DPP10: variants seen among roughly 807,000 people sequenced by gnomAD.
DPP10 encodes inactive dipeptidyl peptidase 10.
A neutral mutation model predicts 120.9 loss-of-function variants in DPP10; 33 were observed. The ratio of observed to expected loss-of-function variants is 0.27; its 90% CI spans 0.21 to 0.37. The LOEUF is 0.37. Among genes scored for constraint, DPP10 ranks in the 10% least tolerant of loss-of-function variants. The probability of loss-of-function intolerance (pLI) is 1.00; values close to 1 mark genes in which losing one functional copy is unlikely to be tolerated. For synonymous variants in DPP10, 337 were observed against 326.1 expected (o/e 1.03, Z -0.36); for missense variants, 816 against 942.8 (o/e 0.87, Z 1.76).
intron 12 of DPP10, among the ~76,000 whole-genome samples, chr2:115,762,976 C>A (rs1456285912): frequency 6.6e-6 from 1 of 152,076 alleles, no homozygotes; most frequent in Non-Finnish European, 1.5e-5. Context: ...ATAAATTGAT[C>A]ATGGAGATAT....
chr2:114,895,049 A>G (rs1014966202), intron 1 of DPP10, among the ~76,000 whole-genome samples: 5 of 152,184 alleles, frequency 3.3e-5, no homozygotes, highest in Non-Finnish European at 7.4e-5. Context: ...AGAGATATGA[A>G]TAGTTCCTAC....
intron 5 of DPP10, among the ~76,000 whole-genome samples, chr2:115,686,973 G>A (rs2091023109): frequency 1.3e-5 from 2 of 151,894 alleles, no homozygotes; most frequent in South Asian, 4.1e-4. Context: ...AAGTAACTTT[G>A]ATTTTACCCT....
chr2:115,119,683 C>G (rs2049720050), intron 1 of DPP10, among the ~76,000 whole-genome samples: 2 of 152,102 alleles, frequency 1.3e-5, no homozygotes, highest in Admixed American at 6.6e-5. Context: ...GGCAGGAATT[C>G]CACTCTGTTG....
At chr2:115,478,641 G>A (rs2075240018) in intron 3 of DPP10, among the ~76,000 whole-genome samples, 1 of 152,092 alleles carries the variant, frequency 6.6e-6, no homozygotes, top group South Asian at 2.1e-4. Context: ...AGAAATATTT[G>A]CAAGTCATAT....
At chr2:115,791,038 T>C (rs780819029) in intron 17 of DPP10, 43 bp from the exon 18 acceptor site, 6 of 1,407,632 alleles carry the variant, frequency 4.3e-6, no homozygotes, top group Non-Finnish European at 6.0e-6. Flanking sequence ...TTCTGTTTAA[T>C]GCATAGGGGT....
At chr2:115,836,093 GTGTGTA>G in intron 21 of DPP10, 58 bp from the exon 22 acceptor site, 1 of 761,306 alleles carries the variant, frequency 1.3e-6, no homozygotes, top group Non-Finnish European at 1.7e-6. Flanking sequence ...AAATTTGTGT[GTGTGTA>G]TGTGTGTGTG....
At chr2:115,141,151 G>A (rs2050907044) in intron 1 of DPP10, among the ~76,000 whole-genome samples, 1 of 152,146 alleles carries the variant, frequency 6.6e-6, no homozygotes, top group South Asian at 2.1e-4. Context: ...TATAGGGGTA[G>A]GGATGTTATG....
intron 5 of DPP10, among the ~76,000 whole-genome samples, chr2:115,650,277 T>C (rs898483130): frequency 6.6e-6 from 1 of 152,028 alleles, no homozygotes; most frequent in African/African-American, 2.4e-5. Flanking sequence ...CAAAAAGATG[T>C]ACTAGCTAAT....
chr2:115,086,225 T>G (rs1319952326), intron 1 of DPP10, among the ~76,000 whole-genome samples: 1 of 152,196 alleles, frequency 6.6e-6, no homozygotes, highest in Non-Finnish European at 1.5e-5. Context: ...ACATTTGTCA[T>G]CTATTGTCTC....
rs182982834 is a variant in DPP10, at chr2:115,645,560, G to A, written c.442-44127G>A. On this transcript the variant is annotated intron_variant, in intron 5 of 25. Coordinates refer to ENST00000410059, the MANE Select transcript of DPP10 (RefSeq NM_020868.6). ...ATAATTTGAGTTATGAATAGAAATA[G>A]TAATTTGCCTGAAATTGAGGAAAAT... 3.7e-3 allele frequency among the ~76,000 whole-genome samples: 564 copies of A among 152,168 alleles called. 6 individuals carry two copies. The highest frequency in any genetic ancestry group is 0.014 in the Middle Eastern group (4 of 294).
At chr2:115,641,768 T>A (rs1280921362) in intron 5 of DPP10, among the ~76,000 whole-genome samples, 1 of 149,634 alleles carries the variant, frequency 6.7e-6, no homozygotes, top group Admixed American at 6.6e-5. Context: ...TCAATTATAT[T>A]TGACATTTGG....
intron 19 of DPP10, among the ~76,000 whole-genome samples, chr2:115,802,358 T>C (rs1309006945): frequency 6.6e-6 from 1 of 152,210 alleles, no homozygotes; most frequent in Non-Finnish European, 1.5e-5. Flanking sequence ...TCTATCAATT[T>C]TGTTGATCTT....
At chr2:115,527,972 A>G (rs186646016) in intron 5 of DPP10, among the ~76,000 whole-genome samples, 3 of 152,258 alleles carry the variant, frequency 2.0e-5, no homozygotes, top group Admixed American at 1.3e-4. Context: ...AAAACTAAGC[A>G]TATATTTGGG....
At chr2:115,558,102 AC>A (rs1423311862) in intron 5 of DPP10, among the ~76,000 whole-genome samples, 1 of 152,170 alleles carries the variant, frequency 6.6e-6, no homozygotes, top group East Asian at 1.9e-4. Flanking sequence ...TGAGAAGCAG[AC>A]CCAAAATGGT....
intron 12 of DPP10, among the ~76,000 whole-genome samples, chr2:115,763,870 A>T (rs185919083): frequency 6.6e-6 from 1 of 152,232 alleles, no homozygotes; most frequent in African/African-American, 2.4e-5. Flanking sequence ...GCTCTGAGTC[A>T]TAGAATCATT....
chr2:115,819,222 A>G (rs941729756), intron 21 of DPP10, among the ~76,000 whole-genome samples: 2 of 152,234 alleles, frequency 1.3e-5, no homozygotes, highest in Non-Finnish European at 2.9e-5. Flanking sequence ...TTTTAAATTT[A>G]TGTAACCAAT....
chr2:115,728,410 T>C (rs532622027), intron 8 of DPP10, among the ~76,000 whole-genome samples: 1 of 152,150 alleles, frequency 6.6e-6, no homozygotes. Context: ...TAAAGAGTTA[T>C]TTTCAATATC....
chr2:115,303,404 G>C (rs1178337010), intron 1 of DPP10, among the ~76,000 whole-genome samples: 1 of 151,662 alleles, frequency 6.6e-6, no homozygotes, highest in South Asian at 2.1e-4. Context: ...AGAAGGAAAA[G>C]AAATGCACAT....
intron 19 of DPP10, among the ~76,000 whole-genome samples, 184 bp downstream of exon 19, chr2:115,791,540 T>G (rs1639718314): frequency 1.3e-5 from 2 of 152,168 alleles, no homozygotes; most frequent in South Asian, 4.1e-4. Context: ...ATGTGTAAAT[T>G]TTTTTGAACT....
Sources: gnomAD v4.1 joint callset for allele counts (sites outside exome capture counted in the v4.1 genomes callset) on GRCh38, gnomAD v4.1.1 for gene constraint, MANE v1.5 for transcripts, NCBI Gene and HGNC (gene_info 2026-07-23, HGNC 2026-07-21) for gene names.